ZNF718: variants seen among roughly 807,000 people sequenced by gnomAD.
ZNF718 encodes zinc finger protein 718.
In ZNF718, 3 loss-of-function variants were observed where a neutral mutation model predicts 2.6. That is an observed-to-expected ratio of 1.16 (90% CI 0.53 to 3.01). The LOEUF (loss-of-function observed/expected upper bound fraction) is 3.01, where lower values mean the gene tolerates loss of function less well. ZNF718 is among the 30% of genes most tolerant of loss of function. The pLI is 0.03. For synonymous variants in ZNF718, 135 were observed against 77.9 expected, an observed-to-expected ratio of 1.73 and a Z score of -3.86; for missense variants, 468 against 230.0, an observed-to-expected ratio of 2.03 and a Z score of -6.69.
intron 1 of ZNF718, 92 bp downstream of exon 1, chr4:124,765 T>C: frequency 1.3e-6 from 2 of 1,539,794 alleles, no homozygotes; most frequent in South Asian, 2.4e-5. Context: ...GTGAATGGAG[T>C]TCCCGCTCAG....
rs1269538383 is a variant in ZNF718 at position 162,359 on chromosome 4, A to G, written c.*237A>G. On this transcript the variant is annotated 3_prime_UTR_variant, in exon 4 of 4. Transcript: ENST00000510175. ...ATAATTCTTACTGCAGAAAACCCCT[A>G]GGAATATTAAAAGTGTGGCAAAACC... 1.0e-5 allele frequency: 4 copies of G among 383,236 alleles called. No individual in the cohort carries two copies. Among genetic ancestry groups the G allele is most frequent in the African/African-American group, 2.0e-5 (1 of 48,966 alleles). The allele number at this position is 383,236 out of a possible 1,614,324, so 23.7% of individuals were successfully genotyped here.
At chr4:155,833 G>A (rs1716543191) in intron 3 of ZNF718, among the ~76,000 whole-genome samples, 1 of 152,044 alleles carries the variant, frequency 6.6e-6, no homozygotes, top group African/African-American at 2.4e-5. Context: ...GGAATGATAG[G>A]GTTTGGCTGT....
rs1195068711 is a variant in ZNF718, at chr4:190,180, C to G, written c.227-10901C>G. Among the ~76,000 whole-genome samples the G allele has an allele frequency of 2.0e-5, 3 of 151,926 alleles. No individual in the cohort carries two copies. In the South Asian group the frequency reaches 6.2e-4, roughly 32 times the overall value. On this transcript the variant is annotated intron_variant and NMD_transcript_variant, in intron 3 of 4. Transcript: ENST00000642529. ...GTGCGGTGGCTCACACCTGTAATCC[C>G]AATACTTTGGGAGGCCGAGGCAGGC...
At chr4:153,879 G>T (rs1453603657) in intron 3 of ZNF718, among the ~76,000 whole-genome samples, 1 of 152,146 alleles carries the variant, frequency 6.6e-6, no homozygotes, top group Non-Finnish European at 1.5e-5. Context: ...ACAAGACAAG[G>T]ATGTTATTTG....
At chr4:133,195 A>AAAAAAAAAAAATATATAT (rs1258303094) in intron 3 of ZNF718, among the ~76,000 whole-genome samples, 1 of 20,774 alleles carries the variant, frequency 4.8e-5, no homozygotes, top group African/African-American at 1.7e-4. Context: ...AAAAAAAAAA[A>AAAAAAAAAAAATATATAT]ATATATATAT....
intron 3 of ZNF718, among the ~76,000 whole-genome samples, chr4:152,937 C>A (rs1409624595): frequency 8.0e-6 from 1 of 125,090 alleles, no homozygotes; most frequent in East Asian, 2.5e-4. Flanking sequence ...TTTGTAGTCA[C>A]GTTTGCAGAT....
intron 1 of ZNF718, 154 bp downstream of exon 1, chr4:124,827 C>T: frequency 3.0e-6 from 3 of 994,764 alleles, no homozygotes; most frequent in South Asian, 3.0e-5. Context: ...TGTCAGTCCC[C>T]GTACAGCGGC....
At chr4:149,577 A>G (rs1487501086) in intron 3 of ZNF718, among the ~76,000 whole-genome samples, 3 of 152,186 alleles carry the variant, frequency 2.0e-5, no homozygotes, top group African/African-American at 7.2e-5. Flanking sequence ...TTTAATTCAA[A>G]TAAAAATAAT....
chr4:133,784 C>G (rs1302820359), intron 3 of ZNF718, among the ~76,000 whole-genome samples: 1 of 152,118 alleles, frequency 6.6e-6, no homozygotes, highest in Non-Finnish European at 1.5e-5. Context: ...CATGTGCAAC[C>G]TGGATTTTTC....
At chr4:168,568 A>C (rs1289803806), downstream of ZNF718, among the ~76,000 whole-genome samples, 1 of 151,816 alleles carries the variant, frequency 6.6e-6, no homozygotes, top group Non-Finnish European at 1.5e-5. Context: ...ACTTTTTCCT[A>C]GTTTAGTCTT....
rs928825180 is a variant in ZNF718 at position 124,531 on chromosome 4, G to A, written c.-140G>A. The A allele has an allele frequency of 8.2e-7, 1 of 1,214,480 alleles. No homozygotes were observed. Among genetic ancestry groups the A allele is most frequent in the Admixed American group, 1.7e-5 (1 of 57,774 alleles). 75.2% of individuals were successfully genotyped at this position (1,214,480 alleles called of 1,614,324 possible). A position where few individuals can be genotyped will look rare whatever the true frequency, so the allele number is the denominator to read the frequency against. On this transcript the variant is annotated 5_prime_UTR_variant, in exon 1 of 4. Transcript: ENST00000510175. ...TTGCTTGTAGCTCCAGCCAGAGCTCGGTTAGGGCCTCATCGCTCTGCTCCC... is the reference window on the plus strand; with the variant it reads ...TTGCTTGTAGCTCCAGCCAGAGCTCAGTTAGGGCCTCATCGCTCTGCTCCC...
chr4:146,675 G>A (rs1260284671), intron 3 of ZNF718, among the ~76,000 whole-genome samples: 2 of 151,646 alleles, frequency 1.3e-5, no homozygotes, highest in Non-Finnish European at 2.9e-5. Flanking sequence ...CCTTTTTATG[G>A]TTTATCATAT....
At chr4:134,982 G>A (rs1199817825) in intron 3 of ZNF718, among the ~76,000 whole-genome samples, 1 of 152,060 alleles carries the variant, frequency 6.6e-6, no homozygotes, top group Non-Finnish European at 1.5e-5. Flanking sequence ...AGTGGCTCAC[G>A]ACCGTAATCC....
intron 3 of ZNF718, among the ~76,000 whole-genome samples, chr4:160,565 A>C (rs921593739): frequency 6.6e-6 from 1 of 152,074 alleles, no homozygotes; most frequent in African/African-American, 2.4e-5. Context: ...TTATTTATTT[A>C]TTGAGATGGG....
chr4:180,474 G>A (rs1717442275), intron 3 of ZNF718, among the ~76,000 whole-genome samples: 1 of 152,124 alleles, frequency 6.6e-6, no homozygotes, highest in African/African-American at 2.4e-5. Flanking sequence ...ACTCTCGGTC[G>A]GGTTCAGTGA....
At chr4:157,777 G>A (rs991855284) in intron 3 of ZNF718, among the ~76,000 whole-genome samples, 1 of 152,052 alleles carries the variant, frequency 6.6e-6, no homozygotes, top group African/African-American at 2.4e-5. Context: ...GAAGACTTTT[G>A]TATGAGCTAT....
rs782582993 is a variant in ZNF718 at position 161,874 on chromosome 4, T to A, written c.1189T>A (p.Cys397Ser). 2.6e-6 allele frequency: 2 copies of A among 780,698 alleles called. No homozygotes were observed. The highest frequency in any genetic ancestry group is 4.8e-6 in the Non-Finnish European group (2 of 417,946). 48.4% of individuals were successfully genotyped at this position (780,698 alleles called of 1,614,324 possible). The change falls in exon 4 of 4, where the codon TGT becomes AGT. Residue 397 changes from cysteine (C) to serine (S), a missense_variant. Cys to Ser is a moderately radical substitution (Grantham distance 112). Coordinates refer to ENST00000510175, the MANE Select transcript of ZNF718 (RefSeq NM_001039127.6). The part of the protein sequence containing the change: ...RIHSGKNPYK[C>S]EDCGKAFKVF... ...TCACTCTGGAAAAAATCCCTACAAA[T>A]GTGAAGATTGTGGCAAAGCCTTTAA... is the stretch of plus-strand genomic sequence containing the variant.
At chr4:182,054 C>T (rs1356893110) in intron 3 of ZNF718, among the ~76,000 whole-genome samples, 1 of 152,086 alleles carries the variant, frequency 6.6e-6, no homozygotes, top group Non-Finnish European at 1.5e-5. Flanking sequence ...TTTTCTTTAT[C>T]TAGCCTGTCA....
At chr4:160,743 G>C (rs1235271321) in intron 3 of ZNF718, among the ~76,000 whole-genome samples, 169 bp from the exon 4 acceptor site, 1 of 152,040 alleles carries the variant, frequency 6.6e-6, no homozygotes. Flanking sequence ...AGTACAGACA[G>C]TGTTTCACCA....
Sources: allele counts gnomAD v4.1 joint callset (sites outside exome capture counted in the v4.1 genomes callset), GRCh38; gene constraint gnomAD v4.1.1; transcripts MANE v1.5; gene names NCBI Gene and HGNC (gene_info 2026-07-23, HGNC 2026-07-21).